The following CERS3 variants were observed in gnomAD, a reference collection of about 807,000 sequenced individuals.
The protein encoded by CERS3 is LAG1 homolog, ceramide synthase 3.
CERS3 carries 33 observed loss-of-function variants against 50.3 expected under a neutral mutation model. The observed-to-expected ratio is 0.66, with a 90% confidence interval of 0.50 to 0.88. CERS3 has a LOEUF of 0.88. Among genes scored for constraint, CERS3 ranks in the 40% least tolerant of loss-of-function variants. CERS3 has a pLI of 0.00. For synonymous variants in CERS3, 176 were observed against 155.2 expected, an observed-to-expected ratio of 1.13 and a Z score of -0.99; for missense variants, 470 against 460.3, an observed-to-expected ratio of 1.02 and a Z score of -0.19.
chr15:100,530,214 C>T (rs1356968223), upstream of CERS3, among the ~76,000 whole-genome samples: 2 of 152,234 alleles, frequency 1.3e-5, no homozygotes, highest in Non-Finnish European at 2.9e-5. Flanking sequence ...GAATTGGTTT[C>T]CTGACATGAG....
At chr15:100,421,524 A>G (rs1464903629) in intron 11 of CERS3, among the ~76,000 whole-genome samples, 1 of 151,368 alleles carries the variant, frequency 6.6e-6, no homozygotes, top group Non-Finnish European at 1.5e-5. Flanking sequence ...TAATTTATAG[A>G]TTCAATGCCA....
chr15:100,480,762 T>A (rs2035274065), intron 5 of CERS3, among the ~76,000 whole-genome samples: 1 of 152,188 alleles, frequency 6.6e-6, no homozygotes, highest in African/African-American at 2.4e-5. Context: ...ATGCTGAAAA[T>A]AAAGAGTTCT....
chr15:100,417,842 G>T (rs535884450), intron 11 of CERS3, among the ~76,000 whole-genome samples: 1 of 151,800 alleles, frequency 6.6e-6, no homozygotes, highest in Non-Finnish European at 1.5e-5. Context: ...ACACAGCAGG[G>T]TATTCCAACA....
intron 2 of CERS3, among the ~76,000 whole-genome samples, chr15:100,503,216 C>T (rs761232732): frequency 5.3e-5 from 8 of 152,118 alleles, no homozygotes; most frequent in Non-Finnish European, 1.2e-4. Flanking sequence ...AATAACAAGG[C>T]GCACATAGAA....
At chr15:100,525,110 T>C (rs997170306) in intron 1 of CERS3, among the ~76,000 whole-genome samples, 2 of 152,232 alleles carry the variant, frequency 1.3e-5, no homozygotes, top group Admixed American at 6.5e-5. Flanking sequence ...TTTGGTTGTG[T>C]TTTCATATTA....
chr15:100,423,943 CTT>C (rs113638589), intron 11 of CERS3, among the ~76,000 whole-genome samples: 38 of 139,624 alleles, frequency 2.7e-4, no homozygotes, highest in Admixed American at 2.2e-4. Flanking sequence ...TTCTTTCTTT[CTT>C]TTTTTTTTTT....
chr15:100,402,915 CTT>C (rs1351143227), intron 11 of CERS3, 50 bp from the exon 12 acceptor site: 1 of 1,538,194 alleles, frequency 6.5e-7, no homozygotes, highest in African/African-American at 1.4e-5. Context: ...CAGGAAGAGT[CTT>C]GAGTAAATCT....
chr15:100,506,337 T>G (rs1358566023), intron 2 of CERS3, among the ~76,000 whole-genome samples: 2 of 151,938 alleles, frequency 1.3e-5, no homozygotes, highest in African/African-American at 4.8e-5. Flanking sequence ...AATAAGCACA[T>G]GAAAAGATGC....
rs1364192378 is a variant in CERS3, at chr15:100,479,459, A to G, written c.485T>C (p.Leu162Ser). The change falls in exon 7 of 12, where the codon TTA (leucine) becomes TCA (serine). Residue 162 changes from leucine (L) to serine (S), a missense_variant. Transcript: ENST00000679737. ...GGGATAGCCATTCCAAACCTCCCAT[A>G]AGTCATATAGCCAAGGTTTCTGAAA... ...FLYDKPWLYD[L>S]WEVWNGYPKQ... 6.2e-7 allele frequency: 1 copy of G among 1,606,922 alleles called. No individual in the cohort carries two copies. The highest frequency in any genetic ancestry group is 1.3e-5 in the African/African-American group (1 of 74,410).
At chr15:100,496,738 A>G (rs1183312066) in intron 3 of CERS3, among the ~76,000 whole-genome samples, 1 of 152,222 alleles carries the variant, frequency 6.6e-6, no homozygotes, top group Non-Finnish European at 1.5e-5. Context: ...TGACAAAGGT[A>G]CTATCTTCTG....
intron 2 of CERS3, among the ~76,000 whole-genome samples, chr15:100,512,829 C>T (rs2036386376): frequency 6.6e-6 from 1 of 152,054 alleles, no homozygotes; most frequent in Non-Finnish European, 1.5e-5. Context: ...CATTTTCCCT[C>T]CTAACACTGT....
chr15:100,468,889 G>A (rs1186860514), intron 10 of CERS3, among the ~76,000 whole-genome samples: 1 of 152,134 alleles, frequency 6.6e-6, no homozygotes. Context: ...ACAAGTATCA[G>A]TTTTCCTTAT....
chr15:100,506,654 T>C (rs2036193425), intron 2 of CERS3, among the ~76,000 whole-genome samples: 1 of 152,160 alleles, frequency 6.6e-6, no homozygotes, highest in African/African-American at 2.4e-5. Context: ...GGATGACTCT[T>C]GAAAAGATGA....
At chr15:100,440,832 C>G (rs2033646809) in intron 11 of CERS3, among the ~76,000 whole-genome samples, 1 of 152,320 alleles carries the variant, frequency 6.6e-6, no homozygotes, top group East Asian at 1.9e-4. Flanking sequence ...AATCTTGGCA[C>G]CACACTTCAA....
intron 1 of CERS3, among the ~76,000 whole-genome samples, chr15:100,543,482 G>GCTTCCTTCCTTC (rs150739556): frequency 6.7e-6 from 1 of 149,864 alleles, no homozygotes; most frequent in Non-Finnish European, 1.5e-5. Context: ...ACAAGAGAAG[G>GCTTCCTTCCTTC]CTTCCTTCCT....
At chr15:100,515,274 T>C (rs2142370025) in intron 2 of CERS3, among the ~76,000 whole-genome samples, 1 of 152,346 alleles carries the variant, frequency 6.6e-6, no homozygotes, top group African/African-American at 2.4e-5. Context: ...ATTGGAATCT[T>C]TTGGATTTTA....
intron 11 of CERS3, among the ~76,000 whole-genome samples, chr15:100,438,273 G>A (rs562172060): frequency 6.6e-5 from 10 of 151,694 alleles, no homozygotes; most frequent in African/African-American, 2.2e-4. Flanking sequence ...TCAATCTCCT[G>A]ACCTCAGGTG....
upstream of CERS3, among the ~76,000 whole-genome samples, chr15:100,529,974 G>T (rs1219415649): frequency 1.3e-5 from 2 of 152,204 alleles, no homozygotes; most frequent in Non-Finnish European, 2.9e-5. Flanking sequence ...TTTCACTAAT[G>T]AATTTAGTTC....
At chr15:100,522,967 G>A (rs2036681076) in intron 1 of CERS3, among the ~76,000 whole-genome samples, 1 of 152,146 alleles carries the variant, frequency 6.6e-6, no homozygotes, top group Non-Finnish European at 1.5e-5. Context: ...GAGTTCCAGT[G>A]GTTTAATATC....
Sources: gnomAD v4.1 joint callset for allele counts (sites outside exome capture counted in the v4.1 genomes callset) on GRCh38, gnomAD v4.1.1 for gene constraint, MANE v1.5 for transcripts, NCBI Gene and HGNC (gene_info 2026-07-23, HGNC 2026-07-21) for gene names.